GRIA2: variants seen among roughly 807,000 people sequenced by gnomAD.
GRIA2 encodes the protein glutamate receptor 2.
GRIA2 carries 14 observed loss-of-function variants against 97.3 expected under a neutral mutation model. That is an observed-to-expected ratio of 0.14 (90% CI 0.10 to 0.23). The LOEUF is 0.23. Among genes scored for constraint, GRIA2 ranks in the 10% least tolerant of loss-of-function variants. GRIA2 has a pLI of 1.00. For synonymous variants in GRIA2, 412 were observed against 387.8 expected (o/e 1.06, Z -0.73); for missense variants, 558 against 1,069.8 (o/e 0.52, Z 6.67).
chr4:157,291,738 A>C (rs1433750185), intron 2 of GRIA2, among the ~76,000 whole-genome samples: 1 of 152,032 alleles, frequency 6.6e-6, no homozygotes, highest in Admixed American at 6.6e-5. Context: ...AATTTCACAA[A>C]GTAGAAAGTT....
intron 2 of GRIA2, among the ~76,000 whole-genome samples, chr4:157,260,491 C>T (rs1418289059): frequency 6.6e-6 from 1 of 151,966 alleles, no homozygotes; most frequent in African/African-American, 2.4e-5. Flanking sequence ...GCACCAAGTC[C>T]CCAATCCTAG....
intron 3 of GRIA2, among the ~76,000 whole-genome samples, chr4:157,311,531 A>T (rs568564110): frequency 6.6e-6 from 1 of 152,150 alleles, no homozygotes; most frequent in Non-Finnish European, 1.5e-5. Flanking sequence ...AATAGTTTTC[A>T]ACAAAATTGA....
At chr4:157,299,787 T>C (rs1733532681) in intron 2 of GRIA2, among the ~76,000 whole-genome samples, 1 of 152,212 alleles carries the variant, frequency 6.6e-6, no homozygotes, top group Non-Finnish European at 1.5e-5. Flanking sequence ...TTTCTCAAAG[T>C]TGATATTAAA....
At chr4:157,251,000 G>A (rs915310683) in intron 2 of GRIA2, among the ~76,000 whole-genome samples, 1 of 151,926 alleles carries the variant, frequency 6.6e-6, no homozygotes. Context: ...TTTTTCTAGG[G>A]GTTGGGGAAT....
At chr4:157,347,820 T>C (rs1226798596) in intron 12 of GRIA2, among the ~76,000 whole-genome samples, 1 of 152,166 alleles carries the variant, frequency 6.6e-6, no homozygotes, top group East Asian at 1.9e-4. Context: ...TTGAACATTC[T>C]TCAATTAGAC....
In GRIA2 at chr4:157,274,538, C is replaced by T. The variant is rs542362822; in HGVS notation, c.230-29014C>T. On this transcript the variant is annotated intron_variant, in intron 2 of 15. Coordinates refer to ENST00000264426, the MANE Select transcript of GRIA2 (RefSeq NM_001083619.3). The stretch of plus-strand genomic sequence containing the variant: ...CCCCCTCCCCCCACCCCACAACAGG[C>T]CCCGGTGTGTGATGTTCCCCTTCCT... Among the ~76,000 whole-genome samples the T allele has an allele frequency of 7.0e-3, 958 of 137,044 alleles. 18 individuals are homozygous for T. In the South Asian group the frequency reaches 0.073, roughly 11 times the overall value. The allele number at this position is 137,044 out of a possible 152,430, so 89.9% of individuals were successfully genotyped here. A position where few individuals can be genotyped will look rare whatever the true frequency, so the allele number is the denominator to read the frequency against.
At chr4:157,220,660 G>A (rs1579280598), upstream of GRIA2, 4 of 235,152 alleles carry the variant, frequency 1.7e-5, no homozygotes, top group East Asian at 2.4e-4. Context: ...GTATGTGTGT[G>A]TGTGTGTGTG....
chr4:157,325,514 G>A (rs138258949), intron 6 of GRIA2, among the ~76,000 whole-genome samples: 3 of 152,284 alleles, frequency 2.0e-5, no homozygotes, highest in African/African-American at 4.8e-5. Context: ...GGAGATTACA[G>A]TCTTCAGACT....
chr4:157,226,534 G>T lies in GRIA2; in HGVS notation c.229+4727G>T, dbSNP rs1039617756. Among the ~76,000 whole-genome samples the T allele has an allele frequency of 5.3e-5, 8 of 151,948 alleles. 1 individual carries two copies. The highest frequency in any genetic ancestry group is 5.2e-4 in the Admixed American group (8 of 15,260). On this transcript the variant is annotated intron_variant, in intron 2 of 15. Transcript: ENST00000264426. ...CAACATTTTTAATCTCGATTCCCCA[G>T]CTATCATTTTTGAGCTGTATTTATT...
At chr4:157,352,947 T>G (rs984766996) in intron 12 of GRIA2, among the ~76,000 whole-genome samples, 1 of 151,788 alleles carries the variant, frequency 6.6e-6, no homozygotes, top group Non-Finnish European at 1.5e-5. Context: ...TAATCCCAGC[T>G]ACCGGAGAGG....
chr4:157,336,802 A>G (rs1157654135), intron 11 of GRIA2, 55 bp downstream of exon 11: 6 of 1,521,646 alleles, frequency 3.9e-6, no homozygotes, highest in African/African-American at 1.4e-5. Context: ...GTGGACATTC[A>G]TGGTGTTTAT....
chr4:157,272,925 TC>T (rs1446831841), intron 2 of GRIA2, among the ~76,000 whole-genome samples: 4 of 152,014 alleles, frequency 2.6e-5, no homozygotes, highest in Non-Finnish European at 1.5e-5. Context: ...TAGAACACTT[TC>T]CTTTTCCCCA....
chr4:157,343,805 T>A (rs1025556384), intron 12 of GRIA2, among the ~76,000 whole-genome samples: 1 of 152,104 alleles, frequency 6.6e-6, no homozygotes, highest in Admixed American at 6.6e-5. Flanking sequence ...ACGGTTGCAA[T>A]TTGGGAAATT....
chr4:157,325,555 G>A (rs1734766293), intron 6 of GRIA2, among the ~76,000 whole-genome samples: 2 of 152,138 alleles, frequency 1.3e-5, no homozygotes, highest in Non-Finnish European at 2.9e-5. Flanking sequence ...TAGCATTGAT[G>A]GAGGTTGTCT....
At chr4:157,351,194 C>T (rs981720707) in intron 12 of GRIA2, among the ~76,000 whole-genome samples, 1 of 152,000 alleles carries the variant, frequency 6.6e-6, no homozygotes, top group Admixed American at 6.6e-5. Flanking sequence ...ACAAACTCAC[C>T]TAATTTTGAT....
rs1388779846 is a variant in GRIA2 at position 157,365,607 on chromosome 4, T to C, written c.*2176T>C. On this transcript the variant is annotated 3_prime_UTR_variant, in exon 16 of 16. Transcript: ENST00000264426. ...GTATTTCAACTATGGATAATGTTGA[T>C]TGGATAATGCACATCTCAGTTACAA... is the stretch of plus-strand genomic sequence containing the variant. 6.6e-6 allele frequency: 1 copy of C among 151,966 alleles called. No homozygotes were observed. Among genetic ancestry groups the C allele is most frequent in the African/African-American group, 2.4e-5 (1 of 41,396 alleles). The allele number at this position is 151,966 out of a possible 1,614,324, so 9.4% of individuals were successfully genotyped here. A position where few individuals can be genotyped will look rare whatever the true frequency, so the allele number is the denominator to read the frequency against.
intron 6 of GRIA2, among the ~76,000 whole-genome samples, chr4:157,321,911 A>G (rs910937664): frequency 6.6e-6 from 1 of 152,014 alleles, no homozygotes; most frequent in African/African-American, 2.4e-5. Context: ...TTTTTTGGCA[A>G]ATAAGACAGG....
Position 157,248,600 on chromosome 4 carries a change from TA to T in GRIA2, c.229+26794del, listed in dbSNP as rs1561009435. On this transcript the variant is annotated intron_variant, in intron 2 of 15. Transcript: ENST00000264426. ...ATATATACGTGTATATATGTATATATATGTATATATACATGTATATATACGT... is the reference window on the plus strand; with the variant it reads ...ATATATACGTGTATATATGTATATATTGTATATATACATGTATATATACGT... 1.2e-4 allele frequency among the ~76,000 whole-genome samples: 16 copies of T among 137,020 alleles called. 1 individual carries two copies. The highest frequency in any genetic ancestry group is 4.3e-4 in the African/African-American group (16 of 37,612). 89.9% of individuals were successfully genotyped at this position (137,020 alleles called of 152,430 possible).
intron 11 of GRIA2, among the ~76,000 whole-genome samples, chr4:157,340,316 A>G (rs1320729794): frequency 6.6e-6 from 1 of 151,950 alleles, no homozygotes; most frequent in African/African-American, 2.4e-5. Context: ...TGGTTTGTCA[A>G]TATCACTTAA....
Sources: allele counts gnomAD v4.1 joint callset (sites outside exome capture counted in the v4.1 genomes callset), GRCh38; gene constraint gnomAD v4.1.1; transcripts MANE v1.5; gene names NCBI Gene and HGNC (gene_info 2026-07-23, HGNC 2026-07-21).